Variants in ZDHHC11 observed in about 807,000 individuals in gnomAD.
ZDHHC11 encodes zDHHC palmitoyltransferase 11.
Under a neutral mutation model 51.3 loss-of-function variants are expected in ZDHHC11, and 44 were observed. The observed-to-expected ratio is 0.86, with a 90% CI of 0.67 to 1.10. The LOEUF is 1.10. Ranked by LOEUF, ZDHHC11 falls within the 50% of genes least tolerant of loss-of-function variation. The pLI, the probability that ZDHHC11 is intolerant of heterozygous loss-of-function variation, is 0.00. For synonymous variants in ZDHHC11, 163 were observed against 222.0 expected (o/e 0.73, Z 2.36); for missense variants, 400 against 537.7 (o/e 0.74, Z 2.53).
chr5:851,021 A>C (rs182566521), upstream of ZDHHC11: 35 of 230,436 alleles, frequency 1.5e-4, no homozygotes, highest in East Asian at 3.4e-3. Context: ...CCCCAGGTGC[A>C]AGAAGAAAAC....
exon 1 of ZDHHC11, among the ~76,000 whole-genome samples, chr5:858,875 G>A (rs538849675): frequency 3.6e-4 from 54 of 152,078 alleles, no homozygotes; most frequent in Non-Finnish European, 6.3e-4. Context: ...TTTCCTTACC[G>A]CCAGAACCCA....
intron 11 of ZDHHC11, among the ~76,000 whole-genome samples, chr5:808,749 G>A (rs930525676): frequency 2.1e-5 from 3 of 145,142 alleles, no homozygotes; most frequent in African/African-American, 7.5e-5. Context: ...CCAGGCTGGA[G>A]TGCAGTGGCA....
At chr5:847,180 C>G (rs1296178899) in intron 3 of ZDHHC11, among the ~76,000 whole-genome samples, 2 of 151,830 alleles carry the variant, frequency 1.3e-5, no homozygotes, top group Non-Finnish European at 2.9e-5. Flanking sequence ...CACCCTTGTG[C>G]TGGATGAGCC....
In ZDHHC11 at chr5:800,285, A is replaced by G. The variant is rs1384727413; in HGVS notation, c.*7+815T>C. ...CCTTTCAGGATACAGTATGCCCTAT[A>G]CCCTTTTCCTGTCCAGCTAGCTTTT... is the stretch of plus-strand genomic sequence containing the variant. On this transcript the variant is annotated intron_variant, in intron 12 of 12. Coordinates refer to ENST00000283441, the MANE Select transcript of ZDHHC11 (RefSeq NM_024786.3). 6.0e-5 allele frequency among the ~76,000 whole-genome samples: 9 copies of G among 150,584 alleles called. 2 individuals carry two copies. Among genetic ancestry groups the G allele is most frequent in the African/African-American group, 2.2e-4 (9 of 41,028 alleles).
At chr5:797,796 T>G (rs186088395) in intron 12 of ZDHHC11, among the ~76,000 whole-genome samples, 5 of 150,438 alleles carry the variant, frequency 3.3e-5, no homozygotes, top group African/African-American at 9.7e-5. Context: ...TTTTCACATG[T>G]GGTGGGTTGT....
chr5:843,598 A>T lies in ZDHHC11; in HGVS notation c.628+2T>A. 1 of 1,608,116 alleles carries T rather than the reference A, an allele frequency of 6.2e-7. No homozygotes were observed. The highest frequency in any genetic ancestry group is 8.5e-7 in the Non-Finnish European group (1 of 1,176,560). On this transcript the variant is annotated splice_donor_variant, in intron 4 of 12. Coordinates refer to ENST00000283441, the MANE Select transcript of ZDHHC11 (RefSeq NM_024786.3). LOFTEE classifies it high-confidence loss of function. ...GGCCCCTTGAGAGCGGCGGCCACGT[A>T]CCTTCATACCTGGGGTCCGTGCGGA...
At chr5:836,132 G>C (rs1174856003) in intron 6 of ZDHHC11, among the ~76,000 whole-genome samples, 1 of 150,280 alleles carries the variant, frequency 6.7e-6, no homozygotes, top group Admixed American at 6.6e-5. Flanking sequence ...CTCCAAGAGA[G>C]GGTCACAAGC....
intron 4 of ZDHHC11, chr5:842,814 C>A: frequency 1.7e-6 from 1 of 585,244 alleles, no homozygotes; most frequent in Non-Finnish European, 2.2e-6. Flanking sequence ...GAGGTCTTCC[C>A]AATTTTGCCA....
rs1241768419 is a variant in ZDHHC11, at chr5:845,513, C to A, written c.504-1789G>T. ...GCTGCCTGTGTTTAACCTGCAGAGTCCGAGGCCAGCGCTCACAGTCTTCCC... is the reference window on the plus strand; with the variant it reads ...GCTGCCTGTGTTTAACCTGCAGAGTACGAGGCCAGCGCTCACAGTCTTCCC... On this transcript the variant is annotated intron_variant, in intron 3 of 12. Transcript: ENST00000283441. Among the ~76,000 whole-genome samples, 3 of 152,252 alleles carry A rather than the reference C, an allele frequency of 2.0e-5. No individual in the cohort carries two copies. In the East Asian group the frequency reaches 5.8e-4, roughly 29 times the overall value.
chr5:823,588 A>G lies in ZDHHC11; in HGVS notation c.1023+1576T>C, dbSNP rs1741849382. 2 of 165,952 alleles carry G rather than the reference A, an allele frequency of 1.2e-5. 1 individual carries two copies. The allele number at this position is 165,952 out of a possible 1,614,324, so 10.3% of individuals were successfully genotyped here. On this transcript the variant is annotated intron_variant, in intron 8 of 12. Coordinates refer to ENST00000283441, the MANE Select transcript of ZDHHC11 (RefSeq NM_024786.3). The stretch of plus-strand genomic sequence containing the variant: ...GGGCTGTGCCACGGACGCGGGTGTC[A>G]GTGAAGTCACGTGCATTTTCAGATG...
At chr5:819,500 G>T (rs775590403) in intron 10 of ZDHHC11, 25 bp downstream of exon 10, 3 of 1,603,300 alleles carry the variant, frequency 1.9e-6, no homozygotes, top group African/African-American at 2.7e-5. Flanking sequence ...TGTCCTCGGG[G>T]ACAGCGCCAG....
rs142740301 is a variant in ZDHHC11, at chr5:840,571, G to A, written c.708C>T (p.Ile236=). 20 of 1,613,778 alleles carry A rather than the reference G, an allele frequency of 1.2e-5. No individual in the cohort carries two copies. Among genetic ancestry groups the A allele is most frequent in the East Asian group, 4.5e-5 (2 of 44,902 alleles). The change falls in exon 5 of 13, where the codon ATC becomes ATT. Residue 236 remains isoleucine, a synonymous_variant. Coordinates refer to ENST00000283441, the MANE Select transcript of ZDHHC11 (RefSeq NM_024786.3). The part of the protein sequence containing the change: ...VQVQTLIVVI[I]GMLVLLLDFL... ...AGTCCAGCAGGAGCACGAGCATCCC[G>A]ATGATCACGACTATCAGGGTCTGCA...
chr5:822,002 T>A (rs1417978074), intron 8 of ZDHHC11, 107 bp from the exon 9 acceptor site: 3 of 1,005,072 alleles, frequency 3.0e-6, no homozygotes, highest in Non-Finnish European at 4.4e-6. Context: ...TTCTGAGTAA[T>A]GGTACATCAA....
At chr5:831,766 G>T (rs1408221565) in intron 7 of ZDHHC11, among the ~76,000 whole-genome samples, 1 of 150,950 alleles carries the variant, frequency 6.6e-6, no homozygotes, top group African/African-American at 2.4e-5. Flanking sequence ...ACTCCTGGAA[G>T]AATGGCCATA....
chr5:812,074 G>A (rs1740162223), intron 11 of ZDHHC11, among the ~76,000 whole-genome samples: 1 of 136,694 alleles, frequency 7.3e-6, no homozygotes, highest in Non-Finnish European at 1.5e-5. Flanking sequence ...AGTAACCTTA[G>A]CTCTCTCCCT....
chr5:839,627 C>T (rs1224726393), intron 5 of ZDHHC11: 3 of 149,514 alleles, frequency 2.0e-5, no homozygotes, highest in African/African-American at 7.4e-5. Flanking sequence ...AACAAGGAGG[C>T]TCTTGGTGGG....
At chr5:836,062 G>C (rs1743800752) in intron 6 of ZDHHC11, among the ~76,000 whole-genome samples, 1 of 136,768 alleles carries the variant, frequency 7.3e-6, no homozygotes, top group African/African-American at 2.8e-5. Flanking sequence ...TGCTGGGCTG[G>C]CCAGAATGTG....
At chr5:823,341 C>T (rs1741810125) in intron 8 of ZDHHC11, 2 of 150,768 alleles carry the variant, frequency 1.3e-5, no homozygotes, top group Admixed American at 6.6e-5. Context: ...TATGCAGCTG[C>T]TGCACCACAC....
intron 12 of ZDHHC11, among the ~76,000 whole-genome samples, chr5:799,877 A>G (rs1360397767): frequency 6.6e-6 from 1 of 151,120 alleles, no homozygotes; most frequent in Non-Finnish European, 1.5e-5. Context: ...CTCCCCTTCA[A>G]TCTCAGTGGA....
Sources: allele counts gnomAD v4.1 joint callset (sites outside exome capture counted in the v4.1 genomes callset), GRCh38; gene constraint gnomAD v4.1.1; transcripts MANE v1.5; gene names NCBI Gene and HGNC (gene_info 2026-07-23, HGNC 2026-07-21).